Variants in RELL1 observed in about 807,000 individuals in gnomAD.
RELL1 encodes RELT-like protein 1.
Under a neutral mutation model 23.0 loss-of-function variants are expected in RELL1, and 10 were observed. The ratio of observed to expected loss-of-function variants is 0.43; its 90% CI spans 0.27 to 0.74. The LOEUF (loss-of-function observed/expected upper bound fraction) is 0.74, where lower values mean the gene tolerates loss of function less well. RELL1 is among the 30% of genes least tolerant of loss of function. RELL1 has a pLI of 0.19. For synonymous variants in RELL1, 146 were observed against 146.8 expected (o/e 0.99, Z 0.04); for missense variants, 315 against 364.4 (o/e 0.86, Z 1.10).
intron 3 of RELL1, among the ~76,000 whole-genome samples, chr4:37,646,521 T>A (rs1271611152): frequency 6.6e-6 from 1 of 152,116 alleles, no homozygotes; most frequent in Non-Finnish European, 1.5e-5. Context: ...ACAGTGGAAA[T>A]GCATGTACAA....
chr4:37,627,110 G>C (rs1368033298), intron 6 of RELL1, among the ~76,000 whole-genome samples: 1 of 152,200 alleles, frequency 6.6e-6, no homozygotes, highest in Non-Finnish European at 1.5e-5. Flanking sequence ...ACACACATTT[G>C]AAAACATTAC....
chr4:37,605,885 G>A (rs115847899), downstream of RELL1, among the ~76,000 whole-genome samples: 1,143 of 133,068 alleles, frequency 8.6e-3, 4 homozygotes, highest in Non-Finnish European at 0.014. Flanking sequence ...AAGAAGGAAA[G>A]AAAGAGAAAG....
At chr4:37,587,316 G>T (rs746612797), downstream of RELL1, among the ~76,000 whole-genome samples, 13 of 152,132 alleles carry the variant, frequency 8.5e-5, no homozygotes, top group Non-Finnish European at 1.9e-4. Context: ...TAATTTGGGG[G>T]CTGGGGTGGC....
chr4:37,638,384 G>A (rs1720407311), intron 4 of RELL1, 63 bp downstream of exon 4: 2 of 1,268,542 alleles, frequency 1.6e-6, no homozygotes, highest in Admixed American at 1.9e-5. Context: ...ATTTCAGATG[G>A]CGCCATATCT....
intron 6 of RELL1, among the ~76,000 whole-genome samples, chr4:37,617,781 TCAAAA>T (rs563079904): frequency 1.1e-4 from 17 of 152,214 alleles, no homozygotes; most frequent in Non-Finnish European, 2.4e-4. Context: ...AGACTCCGTC[TCAAAA>T]CAAAACAAAA....
At chr4:37,669,592 G>GGGGGAAAGGT (rs1416023205) in intron 1 of RELL1, among the ~76,000 whole-genome samples, 2 of 152,208 alleles carry the variant, frequency 1.3e-5, no homozygotes, top group Non-Finnish European at 2.9e-5. Context: ...GAATAGAAAG[G>GGGGGAAAGGT]GGGGAAAGGT....
intron 1 of RELL1, among the ~76,000 whole-genome samples, chr4:37,676,508 G>A (rs1189281576): frequency 3.9e-5 from 6 of 152,140 alleles, no homozygotes; most frequent in South Asian, 2.1e-4. Flanking sequence ...TTTGGGTTTC[G>A]AAAATCTCTG....
chr4:37,622,739 A>C (rs1266010468), intron 6 of RELL1: 8 of 446,968 alleles, frequency 1.8e-5, no homozygotes, highest in South Asian at 9.5e-5. Context: ...TCTGTCTGAC[A>C]CACTGCCACA....
chr4:37,664,389 C>T (rs1446241134), intron 1 of RELL1, among the ~76,000 whole-genome samples: 1 of 150,610 alleles, frequency 6.6e-6, no homozygotes, highest in Non-Finnish European at 1.5e-5. Context: ...AAAAAAAAAT[C>T]ACTCATGTAT....
chr4:37,657,543 G>A (rs1480670576), intron 1 of RELL1, among the ~76,000 whole-genome samples: 1 of 152,196 alleles, frequency 6.6e-6, no homozygotes, highest in East Asian at 1.9e-4. Context: ...AAGGAGGGGA[G>A]TTAAATATCT....
At chr4:37,609,835 T>C (rs1223842893), downstream of RELL1, among the ~76,000 whole-genome samples, 2 of 152,180 alleles carry the variant, frequency 1.3e-5, no homozygotes, top group African/African-American at 2.4e-5. Flanking sequence ...AGATGAGGAA[T>C]TGCTTAACAG....
chr4:37,672,611 C>T (rs1200788796), intron 1 of RELL1, among the ~76,000 whole-genome samples: 1 of 151,812 alleles, frequency 6.6e-6, no homozygotes, highest in East Asian at 2.0e-4. Flanking sequence ...CTTCTCCATC[C>T]CTATCCCTCC....
At chr4:37,681,000 C>A (rs1180193648) in intron 1 of RELL1, among the ~76,000 whole-genome samples, 1 of 151,552 alleles carries the variant, frequency 6.6e-6, no homozygotes, top group East Asian at 1.9e-4. Flanking sequence ...ATGGCTAGTG[C>A]CTTGGAGTAA....
chr4:37,596,730 ATAT>A (rs1718864222), intron 6 of RELL1, among the ~76,000 whole-genome samples: 1 of 16,972 alleles, frequency 5.9e-5, no homozygotes. Flanking sequence ...ATATATATAT[ATAT>A]ATATTTTTTT....
At chr4:37,669,633 C>T (rs533425600) in intron 1 of RELL1, among the ~76,000 whole-genome samples, 8 of 152,226 alleles carry the variant, frequency 5.3e-5, no homozygotes, top group South Asian at 2.1e-4. Context: ...GGATGGTTGC[C>T]GTGTCTGTGT....
intron 1 of RELL1, among the ~76,000 whole-genome samples, chr4:37,672,068 C>G (rs987034210): frequency 6.6e-6 from 1 of 152,184 alleles, no homozygotes; most frequent in Non-Finnish European, 1.5e-5. Context: ...ATGTCACCAA[C>G]CCAGAAGCTC....
rs750997004 is a variant in RELL1, at chr4:37,649,485, C to T, written c.104G>A (p.Arg35His). The T allele has an allele frequency of 8.7e-6, 14 of 1,613,590 alleles. No individual in the cohort carries two copies. Among genetic ancestry groups the T allele is most frequent in the Middle Eastern group, 3.4e-4 (2 of 5,838 alleles). ...CGTCTCTGTTCTGGAGTGCAATGTGCGGCTGCTCCCATTGTCTACAGAAAG... is the reference window on the plus strand; with the variant it reads ...CGTCTCTGTTCTGGAGTGCAATGTGTGGCTGCTCCCATTGTCTACAGAAAG... ...PLVAPDNGSS[R>H]TLHSRTETTP... Residue 35 changes from arginine to histidine, a missense_variant, in exon 2 of 7, where the codon CGC (arginine) becomes CAC (histidine). Arg to His is a conservative substitution (Grantham distance 29). Coordinates refer to ENST00000454158, the MANE Select transcript of RELL1 (RefSeq NM_001085400.2).
intron 1 of RELL1, among the ~76,000 whole-genome samples, chr4:37,650,105 G>A (rs1720859485): frequency 6.6e-6 from 1 of 152,184 alleles, no homozygotes; most frequent in African/African-American, 2.4e-5. Flanking sequence ...GTGTAAACTA[G>A]CAAGCAACAT....
At chr4:37,607,411 A>T (rs1719255971), downstream of RELL1, among the ~76,000 whole-genome samples, 1 of 152,170 alleles carries the variant, frequency 6.6e-6, no homozygotes, top group African/African-American at 2.4e-5. Flanking sequence ...ATTATCTTCA[A>T]ATTTAAAAAG....
Sources: gnomAD v4.1 joint callset for allele counts (sites outside exome capture counted in the v4.1 genomes callset) on GRCh38, gnomAD v4.1.1 for gene constraint, MANE v1.5 for transcripts, NCBI Gene and HGNC (gene_info 2026-07-23, HGNC 2026-07-21) for gene names.